ULK4: variants seen among roughly 807,000 people sequenced by gnomAD.
ULK4 encodes unc-51 like kinase 4.
ULK4 carries 133 observed loss-of-function variants against 160.6 expected under a neutral mutation model. The observed-to-expected ratio is 0.83, with a 90% confidence interval of 0.72 to 0.96. ULK4 has a LOEUF of 0.96. Ranked by LOEUF, ULK4 falls within the 40% of genes least tolerant of loss-of-function variation. The probability of loss-of-function intolerance (pLI) is 0.00; values close to 1 mark genes in which losing one functional copy is unlikely to be tolerated. For synonymous variants in ULK4, 534 were observed against 539.8 expected, an observed-to-expected ratio of 0.99 and a Z score of 0.15; for missense variants, 1,580 against 1,499.5, an observed-to-expected ratio of 1.05 and a Z score of -0.89.
chr3:41,728,742 A>T (rs942798574), intron 22 of ULK4, among the ~76,000 whole-genome samples: 1 of 152,230 alleles, frequency 6.6e-6, no homozygotes, highest in African/African-American at 2.4e-5. Flanking sequence ...TTCAAGAAGG[A>T]AACAGTAGAC....
chr3:41,432,018 C>G (rs996174288), intron 34 of ULK4, among the ~76,000 whole-genome samples: 12 of 152,030 alleles, frequency 7.9e-5, no homozygotes, highest in African/African-American at 2.9e-4. Context: ...ATCTCGATCT[C>G]CTGACCTCGT....
At chr3:41,874,477 T>A (rs563462343) in intron 17 of ULK4, among the ~76,000 whole-genome samples, 2 of 152,314 alleles carry the variant, frequency 1.3e-5, no homozygotes, top group East Asian at 3.9e-4. Context: ...TCTTACAATA[T>A]TTCACTCTTT....
intron 32 of ULK4, among the ~76,000 whole-genome samples, chr3:41,549,826 G>A (rs980508512): frequency 6.6e-6 from 1 of 152,034 alleles, no homozygotes; most frequent in Non-Finnish European, 1.5e-5. Flanking sequence ...ATAAGGAAAT[G>A]ACCATCAGGC....
At chr3:41,794,685 A>AAAAAAAAC (rs1553654846) in intron 20 of ULK4, among the ~76,000 whole-genome samples, 3 of 129,088 alleles carry the variant, frequency 2.3e-5, no homozygotes, top group Admixed American at 2.3e-4. Context: ...AAAAAAAAAA[A>AAAAAAAAC]ACACAGAAAA....
chr3:41,573,515 T>C (rs905049869), intron 31 of ULK4, among the ~76,000 whole-genome samples: 1 of 152,122 alleles, frequency 6.6e-6, no homozygotes, highest in African/African-American at 2.4e-5. Context: ...TGAACCATGG[T>C]CACTCTCTTT....
intron 35 of ULK4, among the ~76,000 whole-genome samples, chr3:41,254,225 A>AT (rs1303262489): frequency 6.6e-6 from 1 of 152,216 alleles, no homozygotes; most frequent in Non-Finnish European, 1.5e-5. Flanking sequence ...ATACTTACAA[A>AT]TGTATACAGT....
intron 20 of ULK4, among the ~76,000 whole-genome samples, chr3:41,796,036 C>T (rs954433469): frequency 2.0e-5 from 3 of 152,120 alleles, no homozygotes; most frequent in Non-Finnish European, 4.4e-5. Context: ...TCCTAACCTT[C>T]CCGCCCAGTA....
chr3:41,316,779 C>T (rs2080150074), intron 35 of ULK4, among the ~76,000 whole-genome samples: 1 of 152,174 alleles, frequency 6.6e-6, no homozygotes, highest in South Asian at 2.1e-4. Context: ...TCCCTTCTCT[C>T]AACTACTGTG....
chr3:41,601,495 G>C lies in ULK4; in HGVS notation c.3120+14174C>G, dbSNP rs572922805. On this transcript the variant is annotated intron_variant, in intron 31 of 36. Coordinates refer to ENST00000301831, the MANE Select transcript of ULK4 (RefSeq NM_017886.4). ...AAACTTGCTTTCAAAGAGTAAAGTA[G>C]AAAAATTGTGGGTTGGAGGGTGAGA... 1.4e-4 allele frequency among the ~76,000 whole-genome samples: 21 copies of C among 152,204 alleles called. No homozygotes were observed. In the South Asian group the frequency reaches 2.7e-3, roughly 20 times the overall value.
chr3:41,910,493 G>C (rs1381588335), intron 11 of ULK4, among the ~76,000 whole-genome samples: 2 of 152,032 alleles, frequency 1.3e-5, no homozygotes, highest in African/African-American at 2.4e-5. Context: ...ACTCTCGGGA[G>C]GCTGAGGCAG....
intron 30 of ULK4, among the ~76,000 whole-genome samples, chr3:41,632,162 G>C (rs1204164828): frequency 1.3e-5 from 2 of 152,158 alleles, no homozygotes; most frequent in Admixed American, 1.3e-4. Context: ...TTGCACCAGA[G>C]CTGGAAGGGG....
At chr3:41,755,333 C>T (rs1195727591) in intron 21 of ULK4, among the ~76,000 whole-genome samples, 1 of 151,984 alleles carries the variant, frequency 6.6e-6, no homozygotes, top group Non-Finnish European at 1.5e-5. Flanking sequence ...TGCTATGTTT[C>T]CAGGTAGGAA....
intron 8 of ULK4, among the ~76,000 whole-genome samples, chr3:41,913,768 G>A (rs1372725802): frequency 6.6e-6 from 1 of 152,038 alleles, no homozygotes; most frequent in East Asian, 1.9e-4. Flanking sequence ...TTTGAGGCCA[G>A]CCTGGACAAT....
chr3:41,738,787 A>G (rs1466006873), intron 22 of ULK4, among the ~76,000 whole-genome samples: 1 of 151,958 alleles, frequency 6.6e-6, no homozygotes, highest in East Asian at 1.9e-4. Flanking sequence ...AAAACATACC[A>G]CCTTTGAATG....
chr3:41,431,773 CT>C (rs201018739), intron 34 of ULK4, among the ~76,000 whole-genome samples: 2 of 140,728 alleles, frequency 1.4e-5, no homozygotes, highest in South Asian at 2.3e-4. Context: ...GCGACTATTT[CT>C]TTTTTTTCCT....
At chr3:41,664,672 T>G (rs2125764914) in intron 29 of ULK4, among the ~76,000 whole-genome samples, 1 of 152,284 alleles carries the variant, frequency 6.6e-6, no homozygotes, top group Admixed American at 6.5e-5. Flanking sequence ...CTGGGTACAT[T>G]GCACTCTGAC....
intron 32 of ULK4, among the ~76,000 whole-genome samples, chr3:41,475,743 A>C (rs566655617): frequency 2.6e-5 from 4 of 152,190 alleles, no homozygotes; most frequent in Non-Finnish European, 5.9e-5. Flanking sequence ...TTTACTAGGT[A>C]CTGTGGACTG....
In ULK4 at chr3:41,550,932, T is replaced by C. The variant is rs537923777; in HGVS notation, c.3226+15093A>G. 2.0e-5 allele frequency among the ~76,000 whole-genome samples: 3 copies of C among 152,116 alleles called. No homozygotes were observed. In the East Asian group the frequency reaches 5.8e-4, roughly 29 times the overall value. ...TTAAAAATCAAAATCATATCAACTATTTTCTCAGAACATAATGGAGTAAAA... is the reference window on the plus strand; with the variant it reads ...TTAAAAATCAAAATCATATCAACTACTTTCTCAGAACATAATGGAGTAAAA... On this transcript the variant is annotated intron_variant, in intron 32 of 36. Transcript: ENST00000301831.
chr3:41,318,952 G>A (rs1377768567), intron 35 of ULK4, among the ~76,000 whole-genome samples: 3 of 152,096 alleles, frequency 2.0e-5, no homozygotes, highest in Admixed American at 6.5e-5. Flanking sequence ...AAAGAACTAC[G>A]GTATGGAAGA....
Sources: gnomAD v4.1 joint callset for allele counts (sites outside exome capture counted in the v4.1 genomes callset) on GRCh38, gnomAD v4.1.1 for gene constraint, MANE v1.5 for transcripts, NCBI Gene and HGNC (gene_info 2026-07-23, HGNC 2026-07-21) for gene names.